Variants in CENPK observed in about 807,000 individuals in gnomAD.
The protein encoded by CENPK is SoxLZ/Sox6-binding protein Solt.
A neutral mutation model predicts 40.9 loss-of-function variants in CENPK; 46 were observed. The ratio of observed to expected loss-of-function variants is 1.13; its 90% CI spans 0.89 to 1.44. The LOEUF is 1.44. CENPK is among the 40% of genes most tolerant of loss of function. The probability of loss-of-function intolerance (pLI) is 0.00; values close to 1 mark genes in which losing one functional copy is unlikely to be tolerated. For missense variants in CENPK, 288 were observed against 303.5 expected (o/e 0.95, Z 0.38); for synonymous variants, 107 against 104.4 (o/e 1.02, Z -0.15).
At chr5:65,501,461 G>C in the CENPK span, among the ~76,000 whole-genome samples, 6 of 151,922 alleles carry the variant, frequency 3.9e-5, no homozygotes, top group African/African-American at 1.4e-4. Flanking sequence ...TTATAGGCAG[G>C]AGCCACTGCT....
intron 1 of CENPK, among the ~76,000 whole-genome samples, chr5:65,562,082 G>A (rs1248726416): frequency 1.3e-5 from 2 of 152,118 alleles, no homozygotes; most frequent in Non-Finnish European, 2.9e-5. Flanking sequence ...TCAGGATAGG[G>A]AAGCTTAGAA....
chr5:65,504,469 A>C, the CENPK span, among the ~76,000 whole-genome samples: 11 of 151,608 alleles, frequency 7.3e-5, no homozygotes, highest in Non-Finnish European at 2.9e-5. Flanking sequence ...AAAAAAAAAA[A>C]AAAAAAAACC....
the CENPK span, among the ~76,000 whole-genome samples, chr5:65,505,320 T>C: frequency 6.6e-6 from 1 of 152,172 alleles, no homozygotes; most frequent in African/African-American, 2.4e-5. Context: ...TACTTTCTCT[T>C]TAATGTGTTG....
At chr5:65,552,586 G>C in intron 3 of CENPK, 37 bp from the exon 4 acceptor site, 1 of 1,291,070 alleles carries the variant, frequency 7.7e-7, no homozygotes, top group Admixed American at 2.3e-5. Context: ...AGTCACACAC[G>C]ATAATTCACA....
intron 9 of CENPK, among the ~76,000 whole-genome samples, chr5:65,526,536 T>C (rs780305487): frequency 1.3e-5 from 2 of 152,174 alleles, no homozygotes; most frequent in African/African-American, 2.4e-5. Context: ...GAAGGTTCTA[T>C]ATAAAAGATA....
intron 2 of CENPK, among the ~76,000 whole-genome samples, chr5:65,557,626 CAATT>C (rs1751214022): frequency 6.6e-6 from 1 of 152,230 alleles, no homozygotes; most frequent in East Asian, 1.9e-4. Flanking sequence ...TCATTTCTGA[CAATT>C]AAGCCCCTAG....
chr5:65,553,297 C>A (rs1481863426), intron 3 of CENPK, among the ~76,000 whole-genome samples: 1 of 151,676 alleles, frequency 6.6e-6, no homozygotes, highest in African/African-American at 2.4e-5. Flanking sequence ...CTGAACTACA[C>A]TGGAAGAAGA....
chr5:65,547,301 A>T (rs1159331189), intron 5 of CENPK, among the ~76,000 whole-genome samples: 1 of 151,870 alleles, frequency 6.6e-6, no homozygotes, highest in Non-Finnish European at 1.5e-5. Flanking sequence ...ACTGAGGCAC[A>T]AGAACTGCTT....
chr5:65,522,277 C>G (rs1042626613), intron 9 of CENPK, among the ~76,000 whole-genome samples: 2 of 152,146 alleles, frequency 1.3e-5, no homozygotes, highest in Admixed American at 6.6e-5. Context: ...CATGTTAGCT[C>G]AACTCATTAG....
At chr5:65,516,253 G>A (rs1215955760), downstream of CENPK, among the ~76,000 whole-genome samples, 1 of 152,152 alleles carries the variant, frequency 6.6e-6, no homozygotes, top group Non-Finnish European at 1.5e-5. Flanking sequence ...ATGCACTGTG[G>A]CAGTATCTGT....
At position 65,554,369 on chromosome 5, in the gene CENPK, C is replaced by G. The variant is rs568557570; in HGVS notation, c.111+428G>C. On this transcript the variant is annotated intron_variant, in intron 3 of 10. Coordinates refer to ENST00000396679, the MANE Select transcript of CENPK (RefSeq NM_022145.5). ...GTTTCACCATGTCGGCCAGGATGGT[C>G]TCAATCTCTTGACCTCATGATCCCC... 2.6e-5 allele frequency among the ~76,000 whole-genome samples: 4 copies of G among 152,236 alleles called. No individual in the cohort carries two copies. In the East Asian group the frequency reaches 7.7e-4, roughly 29 times the overall value.
intron 2 of CENPK, among the ~76,000 whole-genome samples, chr5:65,558,854 A>C (rs1751426580): frequency 6.6e-6 from 1 of 152,252 alleles, no homozygotes; most frequent in Non-Finnish European, 1.5e-5. Context: ...TGGATCATCT[A>C]TAAGGATATT....
At chr5:65,561,746 A>C (rs920180849) in intron 1 of CENPK, among the ~76,000 whole-genome samples, 182 bp from the exon 2 acceptor site, 16 of 145,430 alleles carry the variant, frequency 1.1e-4, no homozygotes, top group Non-Finnish European at 2.3e-4. Flanking sequence ...TTGAAGAAAA[A>C]CAGTATCTCT....
At chr5:65,553,777 C>G (rs1056302830) in intron 3 of CENPK, among the ~76,000 whole-genome samples, 10 of 152,146 alleles carry the variant, frequency 6.6e-5, no homozygotes, top group African/African-American at 2.4e-4. Flanking sequence ...TACTTTTTAC[C>G]AGGACTATTA....
At chr5:65,554,537 A>G (rs1257171822) in intron 3 of CENPK, among the ~76,000 whole-genome samples, 1 of 152,194 alleles carries the variant, frequency 6.6e-6, no homozygotes, top group Admixed American at 6.5e-5. Flanking sequence ...CTAATATTGT[A>G]TTACAACATA....
chr5:65,554,808 C>A lies in CENPK; in HGVS notation c.100G>T (p.Asp34Tyr), dbSNP rs775244207. The A allele has an allele frequency of 1.4e-5, 22 of 1,544,070 alleles. No homozygotes were observed. The Admixed American group carries it at 1.7e-4, about 12-fold the overall frequency. The change falls in exon 3 of 11, where the codon GAT becomes TAT. Residue 34 changes from aspartate to tyrosine, a missense_variant. Asp to Tyr is a radical substitution (Grantham distance 160). Coordinates refer to ENST00000396679, the MANE Select transcript of CENPK (RefSeq NM_022145.5). ...LIRECEEMWK[D>Y]MEECQNKLSL... ...CTTTTGAAACTTACTTCTTCCATATCTTTCCACATTTCTTCACATTCTCTA... is the reference window on the plus strand; with the variant it reads ...CTTTTGAAACTTACTTCTTCCATATATTTCCACATTTCTTCACATTCTCTA...
intron 6 of CENPK, among the ~76,000 whole-genome samples, chr5:65,532,227 A>T (rs1168630308): frequency 6.6e-6 from 1 of 152,224 alleles, no homozygotes; most frequent in Non-Finnish European, 1.5e-5. Context: ...AGAATTTGTA[A>T]TTACAAATTT....
chr5:65,541,152 C>A (rs1432513820), intron 6 of CENPK, among the ~76,000 whole-genome samples: 1 of 152,012 alleles, frequency 6.6e-6, no homozygotes, highest in Non-Finnish European at 1.5e-5. Flanking sequence ...TCTTATGACA[C>A]CTGAGTAAAT....
rs746958500 is a variant in CENPK, at chr5:65,528,918, C to A, written c.470+1G>T. Reference sequence around the variant, plus strand: ...AAAAACCTAGAACATAAAATTAATACCTTGATTCAGAAAATGTTTCAACCT... The same window carrying A: ...AAAAACCTAGAACATAAAATTAATAACTTGATTCAGAAAATGTTTCAACCT... On this transcript the variant is annotated splice_donor_variant, in intron 8 of 10. Transcript: ENST00000396679. LOFTEE classifies it high-confidence loss of function. 1 of 1,488,102 alleles carries A rather than the reference C, an allele frequency of 6.7e-7. No individual in the cohort carries two copies. The highest frequency in any genetic ancestry group is 9.3e-7 in the Non-Finnish European group (1 of 1,080,182). The allele number at this position is 1,488,102 out of a possible 1,614,324, so 92.2% of individuals were successfully genotyped here.
Sources: allele counts gnomAD v4.1 joint callset (sites outside exome capture counted in the v4.1 genomes callset), GRCh38; gene constraint gnomAD v4.1.1; transcripts MANE v1.5; gene names NCBI Gene and HGNC (gene_info 2026-07-23, HGNC 2026-07-21).